The following UGT1A1 variants were observed in gnomAD, a reference collection of about 807,000 sequenced individuals.
UGT1A1 encodes UDP glucuronosyltransferase family 1 member A1.
UGT1A1 carries 33 observed loss-of-function variants against 40.6 expected under a neutral mutation model. The ratio of observed to expected loss-of-function variants is 0.81; its 90% CI spans 0.62 to 1.09. The LOEUF is 1.09. Ranked by LOEUF, UGT1A1 falls within the 50% of genes least tolerant of loss-of-function variation. UGT1A1 has a pLI of 0.00. For synonymous variants in UGT1A1, 249 were observed against 265.0 expected (o/e 0.94, Z 0.59); for missense variants, 694 against 671.2 (o/e 1.03, Z -0.38).
At chr2:233,767,242 A>G in intron 2 of UGT1A1, 77 bp downstream of exon 2, 1 of 1,606,336 alleles carries the variant, frequency 6.2e-7, no homozygotes, top group African/African-American at 1.3e-5. Context: ...TTCCAGATTA[A>G]TTCTCTTAAT....
At position 233,772,525 on chromosome 2, in the gene UGT1A1, G is replaced by T; in HGVS notation, c.1568G>T (p.Arg523Leu). The change falls in exon 5 of 5, where the codon CGA becomes CTA. Residue 523 changes from arginine (R) to leucine (L), a missense_variant. Arg to Leu is a moderately radical substitution (Grantham distance 102). Transcript: ENST00000305208. ...CGGAAATGCTTGGGGAAAAAAGGGCGAGTTAAGAAAGCCCACAAATCCAAG... is the reference window on the plus strand; with the variant it reads ...CGGAAATGCTTGGGGAAAAAAGGGCTAGTTAAGAAAGCCCACAAATCCAAG... ...GYRKCLGKKGRVKKAHKSKTH is the reference protein window; with the variant it reads ...GYRKCLGKKGLVKKAHKSKTH 6.2e-6 allele frequency: 10 copies of T among 1,614,136 alleles called. No individual in the cohort carries two copies. The highest frequency in any genetic ancestry group is 8.5e-6 in the Non-Finnish European group (10 of 1,180,024).
At position 233,769,746 on chromosome 2, in the gene UGT1A1, T is replaced by A; in HGVS notation, c.1304+1307T>A. On this transcript the variant is annotated intron_variant, in intron 4 of 4. Transcript: ENST00000305208. This position sits in a 1 kb window ranked among gnomAD's most constrained non-coding sequence, Gnocchi z 4.4. ...GGCACACGCCTGTAGTCCCAGCCAC[T>A]CTGGAGGCTAAGGCGGGAGGATTGC... 3 of 1,441,832 alleles carry A rather than the reference T, an allele frequency of 2.1e-6. No individual in the cohort carries two copies. Among genetic ancestry groups the A allele is most frequent in the Non-Finnish European group, 2.7e-6 (3 of 1,095,648 alleles). The allele number at this position is 1,441,832 out of a possible 1,614,324, so 89.3% of individuals were successfully genotyped here. A position where few individuals can be genotyped will look rare whatever the true frequency, so the allele number is the denominator to read the frequency against.
chr2:233,768,116 A>G, intron 3 of UGT1A1, 104 bp from the exon 4 acceptor site: 1 of 1,599,724 alleles, frequency 6.3e-7, no homozygotes, highest in Non-Finnish European at 8.5e-7. Context: ...CTGCAAGGGC[A>G]TGTGAGTAAC....
Position 233,773,232 on chromosome 2 carries a change from G to A in UGT1A1, c.*673G>A, listed in dbSNP as rs915315951. On this transcript the variant is annotated 3_prime_UTR_variant, in exon 5 of 5. Transcript: ENST00000305208. Reference sequence around the variant, plus strand: ...ACCCAAAATACAGCTATGAAGTGCTGGGCAAGTTTACTTTTTTTCTGATGT... The same window carrying A: ...ACCCAAAATACAGCTATGAAGTGCTAGGCAAGTTTACTTTTTTTCTGATGT... The A allele has an allele frequency of 1.3e-5, 2 of 152,202 alleles. No individual in the cohort carries two copies. Among genetic ancestry groups the A allele is most frequent in the East Asian group, 3.7e-4 (2 of 5,344 alleles). The allele number at this position is 152,202 out of a possible 1,614,324, so 9.4% of individuals were successfully genotyped here. A position where few individuals can be genotyped will look rare whatever the true frequency, so the allele number is the denominator to read the frequency against.
In UGT1A1 at chr2:233,769,978, G is replaced by A. The variant is rs35883224; in HGVS notation, c.1304+1539G>A. The stretch of plus-strand genomic sequence containing the variant: ...CTTCTGGCCACCTCAATGTCAGGAT[G>A]TCCTGCTCACATATCAATACCATTA... On this transcript the variant is annotated intron_variant, in intron 4 of 4. Transcript: ENST00000305208. The surrounding 1 kb of genome is among the most constrained non-coding windows in gnomAD (Gnocchi z 4.4). 117 of 202,284 alleles carry A rather than the reference G, an allele frequency of 5.8e-4. 1 individual carries two copies. Among genetic ancestry groups the A allele is most frequent in the African/African-American group, 2.5e-3 (109 of 43,540 alleles). The allele number at this position is 202,284 out of a possible 1,614,324, so 12.5% of individuals were successfully genotyped here.
At chr2:233,762,032 T>A (rs34562642) in intron 1 of UGT1A1, among the ~76,000 whole-genome samples, 31 of 152,346 alleles carry the variant, frequency 2.0e-4, no homozygotes, top group East Asian at 3.9e-4. Context: ...TTATTTTTTT[T>A]AATTTTCTGT....
chr2:233,767,314 G>A, intron 2 of UGT1A1, 149 bp downstream of exon 2: 1 of 1,489,626 alleles, frequency 6.7e-7, no homozygotes, highest in Non-Finnish European at 8.8e-7. Flanking sequence ...GGTTTTTTTT[G>A]TTGTTGTGGT....
intron 1 of UGT1A1, among the ~76,000 whole-genome samples, chr2:233,761,978 G>A (rs947618547): frequency 6.6e-6 from 1 of 152,138 alleles, no homozygotes; most frequent in Non-Finnish European, 1.5e-5. Flanking sequence ...TATCACCTTC[G>A]GAGGTGACCT....
In UGT1A1 at chr2:233,769,922, G is replaced by A. The variant is rs1699984157; in HGVS notation, c.1304+1483G>A. On this transcript the variant is annotated intron_variant, in intron 4 of 4. Coordinates refer to ENST00000305208, the MANE Select transcript of UGT1A1 (RefSeq NM_000463.3). The surrounding 1 kb of genome is among the most constrained non-coding windows in gnomAD (Gnocchi z 4.4). ...CATCATGTGCCCAGAGCGTTGGGTG[G>A]TGTGGTCCCATTCCTTCCTTCCAGC... 2 of 270,870 alleles carry A rather than the reference G, an allele frequency of 7.4e-6. No homozygotes were observed. The highest frequency in any genetic ancestry group is 1.5e-4 in the South Asian group (2 of 13,602). 16.8% of individuals were successfully genotyped at this position (270,870 alleles called of 1,614,324 possible). A position where few individuals can be genotyped will look rare whatever the true frequency, so the allele number is the denominator to read the frequency against.
At chr2:233,767,234 C>T in intron 2 of UGT1A1, 69 bp downstream of exon 2, 1 of 1,609,592 alleles carries the variant, frequency 6.2e-7, no homozygotes, top group Middle Eastern at 1.7e-4. Context: ...CTTCCAGCTT[C>T]CAGATTAATT....
In UGT1A1 at chr2:233,768,227, G is replaced by A. The variant is rs751408172; in HGVS notation, c.1092G>A (p.Pro364=). The part of the protein sequence containing the change: ...WLPQNDLLGH[P]MTRAFITHAG... The stretch of plus-strand genomic sequence containing the variant: ...CCCTATTTTGCATCTCAGGTCACCC[G>A]ATGACCCGTGCCTTTATCACCCATG... Residue 364 remains proline, a synonymous_variant, in exon 4 of 5, where the codon CCG becomes CCA. Transcript: ENST00000305208. 1.3e-5 allele frequency: 21 copies of A among 1,614,014 alleles called. No individual in the cohort carries two copies. The highest frequency in any genetic ancestry group is 8.3e-5 in the Admixed American group (5 of 59,996).
chr2:233,767,957 G>A (rs1699529946), intron 3 of UGT1A1, 21 bp downstream of exon 3: 6 of 1,614,186 alleles, frequency 3.7e-6, no homozygotes, highest in South Asian at 1.1e-5. Flanking sequence ...CGGATTGGAT[G>A]TATAGGTCAA....
chr2:233,760,361 C>T lies in UGT1A1; in HGVS notation c.74C>T (p.Ser25Phe). The change falls in exon 1 of 5, where the codon TCC becomes TTC. Residue 25 changes from serine to phenylalanine, a missense_variant. Physicochemically the swap from Ser to Phe is radical, Grantham distance 155 (BLOSUM62 -2). Coordinates refer to ENST00000305208, the MANE Select transcript of UGT1A1 (RefSeq NM_000463.3). ...LLLCVLGPVV[S>F]HAGKILLIPV... Reference sequence around the variant, plus strand: ...CTGTGTGTGCTGGGCCCAGTGGTGTCCCATGCTGGGAAGATACTGTTGATC... The same window carrying T: ...CTGTGTGTGCTGGGCCCAGTGGTGTTCCATGCTGGGAAGATACTGTTGATC... 1 of 1,614,110 alleles carries T rather than the reference C, an allele frequency of 6.2e-7. No individual in the cohort carries two copies. Among genetic ancestry groups the T allele is most frequent in the Non-Finnish European group, 8.5e-7 (1 of 1,179,984 alleles).
At chr2:233,766,890 A>G (rs1433588040) in intron 1 of UGT1A1, 144 bp from the exon 2 acceptor site, 1 of 1,467,048 alleles carries the variant, frequency 6.8e-7, no homozygotes, top group Non-Finnish European at 9.0e-7. Flanking sequence ...TAAAACTTAC[A>G]TATTAATAAT....
chr2:233,768,308 G>A lies in UGT1A1; in HGVS notation c.1173G>A (p.Met391Ile), dbSNP rs751355128. 5 of 1,614,188 alleles carry A rather than the reference G, an allele frequency of 3.1e-6. No homozygotes were observed. The highest frequency in any genetic ancestry group is 3.4e-6 in the Non-Finnish European group (4 of 1,180,050). Residue 391 changes from methionine to isoleucine, a missense_variant, in exon 4 of 5, where the codon ATG (methionine) becomes ATA (isoleucine). By Grantham distance (10) the Met-to-Ile change is conservative. Transcript: ENST00000305208. The stretch of plus-strand genomic sequence containing the variant: ...GCAATGGCGTTCCCATGGTGATGAT[G>A]CCCTTGTTTGGTGATCAGATGGACA... ...SICNGVPMVM[M>I]PLFGDQMDNA...
chr2:233,769,478 T>C lies in UGT1A1; in HGVS notation c.1304+1039T>C. The C allele has an allele frequency of 5.6e-6, 9 of 1,611,038 alleles. No homozygotes were observed. Among genetic ancestry groups the C allele is most frequent in the Non-Finnish European group, 7.6e-6 (9 of 1,178,536 alleles). On this transcript the variant is annotated intron_variant, in intron 4 of 4. Transcript: ENST00000305208. The surrounding 1 kb of genome is among the most constrained non-coding windows in gnomAD (Gnocchi z 4.4). Reference sequence around the variant, plus strand: ...GCATTCATATGCGTGTGTGTGTGTGTGCGTGTGTTTATGAGAGTGTCCATT... The same window carrying C: ...GCATTCATATGCGTGTGTGTGTGTGCGCGTGTGTTTATGAGAGTGTCCATT...
At chr2:233,761,798 T>C (rs573844066) in intron 1 of UGT1A1, among the ~76,000 whole-genome samples, 7 of 152,144 alleles carry the variant, frequency 4.6e-5, no homozygotes, top group Non-Finnish European at 1.0e-4. Context: ...CAGCAGAGGA[T>C]AGAAAAGAAC....
At position 233,769,453 on chromosome 2, in the gene UGT1A1, GCATT is replaced by G; in HGVS notation, c.1304+1018_1304+1021del. The G allele has an allele frequency of 6.3e-7, 1 of 1,591,058 alleles. No homozygotes were observed. Among genetic ancestry groups the G allele is most frequent in the Non-Finnish European group, 8.6e-7 (1 of 1,161,716 alleles). Reference sequence around the variant, plus strand: ...TGCTCATGTGTGGGTGCACACGTGTGCATTCATATGCGTGTGTGTGTGTGTGCGT... The same window carrying G: ...TGCTCATGTGTGGGTGCACACGTGTGCATATGCGTGTGTGTGTGTGTGCGT... On this transcript the variant is annotated intron_variant, in intron 4 of 4. Coordinates refer to ENST00000305208, the MANE Select transcript of UGT1A1 (RefSeq NM_000463.3). This position sits in a 1 kb window ranked among gnomAD's most constrained non-coding sequence, Gnocchi z 4.4.
At position 233,769,810 on chromosome 2, in the gene UGT1A1, A is replaced by G. The variant is rs1699943868; in HGVS notation, c.1304+1371A>G. The G allele has an allele frequency of 5.9e-6, 6 of 1,010,036 alleles. No individual in the cohort carries two copies. Among genetic ancestry groups the G allele is most frequent in the African/African-American group, 3.3e-5 (2 of 61,048 alleles). The allele number at this position is 1,010,036 out of a possible 1,614,324, so 62.6% of individuals were successfully genotyped here. ...TTGGAGGCTGCTATGAGCCGTGATC[A>G]TGCCACTGCACTCCAGCAACCTGGG... On this transcript the variant is annotated intron_variant, in intron 4 of 4. Transcript: ENST00000305208. This position sits in a 1 kb window ranked among gnomAD's most constrained non-coding sequence, Gnocchi z 4.4.
Sources: gnomAD v4.1 joint callset for allele counts (sites outside exome capture counted in the v4.1 genomes callset) on GRCh38, gnomAD v4.1.1 for gene constraint, Gnocchi (gnomAD v3.1) non-coding constraint, MANE v1.5 for transcripts, NCBI Gene and HGNC (gene_info 2026-07-23, HGNC 2026-07-21) for gene names.